Variants in GPBP1 observed in about 807,000 individuals in gnomAD.
The protein encoded by GPBP1 is GC-rich promoter binding protein 1.
In GPBP1, 13 loss-of-function variants were observed where a neutral mutation model predicts 56.5. The observed-to-expected ratio is 0.23, with a 90% CI of 0.15 to 0.37. The LOEUF is 0.37. GPBP1 is among the 10% of genes least tolerant of loss of function. GPBP1 has a pLI of 1.00. For synonymous variants in GPBP1, 204 were observed against 188.9 expected (o/e 1.08, Z -0.66); for missense variants, 477 against 572.3 (o/e 0.83, Z 1.70).
intron 3 of GPBP1, among the ~76,000 whole-genome samples, chr5:57,229,146 G>T (rs1756324893): frequency 6.8e-6 from 1 of 147,072 alleles, no homozygotes; most frequent in South Asian, 2.2e-4. Flanking sequence ...CAGGAGAATC[G>T]CTGGAACCCA....
chr5:57,231,425 C>T, intron 5 of GPBP1, 104 bp downstream of exon 5: 2 of 844,816 alleles, frequency 2.4e-6, no homozygotes, highest in Non-Finnish European at 3.7e-6. Flanking sequence ...AGGCATCCAC[C>T]ACCAGGCCCG....
rs187888508 is a variant in GPBP1 at position 57,196,657 on chromosome 5, A to G, written c.-57-17417A>G. ...CAGGCTGGAGTGATAAAGTGGAACAATCAGGGCTCACTGCAACCTCGACTT... is the reference window on the plus strand; with the variant it reads ...CAGGCTGGAGTGATAAAGTGGAACAGTCAGGGCTCACTGCAACCTCGACTT... On this transcript the variant is annotated intron_variant, in intron 2 of 11. Transcript: ENST00000506184. Among the ~76,000 whole-genome samples the G allele has an allele frequency of 1.4e-3, 212 of 151,922 alleles. 3 individuals carry two copies. Among genetic ancestry groups the G allele is most frequent in the Non-Finnish European group, 7.2e-4 (49 of 67,946 alleles).
intron 2 of GPBP1, among the ~76,000 whole-genome samples, chr5:57,201,756 G>A (rs918809586): frequency 6.6e-6 from 1 of 152,100 alleles, no homozygotes; most frequent in African/African-American, 2.4e-5. Context: ...CTTGAAGACG[G>A]GTTATTTGGT....
At chr5:57,199,166 T>A (rs1165010890) in intron 2 of GPBP1, among the ~76,000 whole-genome samples, 1 of 152,236 alleles carries the variant, frequency 6.6e-6, no homozygotes, top group Non-Finnish European at 1.5e-5. Flanking sequence ...TATGTTCTTT[T>A]AACATACAAA....
At position 57,191,736 on chromosome 5, in the gene GPBP1, A is replaced by G. The variant is rs185703914; in HGVS notation, c.-58+15336A>G. Among the ~76,000 whole-genome samples, 640 of 151,766 alleles carry G rather than the reference A, an allele frequency of 4.2e-3. 4 individuals are homozygous for G. Among genetic ancestry groups the G allele is most frequent in the African/African-American group, 0.015 (610 of 41,334 alleles). On this transcript the variant is annotated intron_variant, in intron 2 of 11. Coordinates refer to ENST00000506184, the MANE Select transcript of GPBP1 (RefSeq NM_022913.4). Reference sequence around the variant, plus strand: ...ATCACCACACCCAGCTAATTTTTGTATTTTTAGTAGAGACGAGGTTTCACT... The same window carrying G: ...ATCACCACACCCAGCTAATTTTTGTGTTTTTAGTAGAGACGAGGTTTCACT...
At chr5:57,188,060 T>G (rs1466669996) in intron 2 of GPBP1, among the ~76,000 whole-genome samples, 1 of 151,800 alleles carries the variant, frequency 6.6e-6, no homozygotes, top group Non-Finnish European at 1.5e-5. Context: ...CTGGTCAACA[T>G]AGTGAAACCC....
At chr5:57,226,701 G>A (rs946196535) in intron 3 of GPBP1, among the ~76,000 whole-genome samples, 2 of 146,212 alleles carry the variant, frequency 1.4e-5, no homozygotes, top group Admixed American at 6.8e-5. Flanking sequence ...ACAGGTGTGC[G>A]CCACCAAGCC....
At position 57,230,851 on chromosome 5, in the gene GPBP1, A is replaced by G. The variant is rs1314522488; in HGVS notation, c.69A>G (p.Ser23=). The G allele has an allele frequency of 1.9e-6, 3 of 1,604,146 alleles. No individual in the cohort carries two copies. In the African/African-American group the frequency reaches 4.0e-5, roughly 22 times the overall value. The change falls in exon 4 of 12, where the codon TCA becomes TCG. Residue 23 remains serine (S), a synonymous_variant. Transcript: ENST00000506184. ...ATTTTTATAATTTGTTTCAGTCGTC[A>G]TTGAATTTTGAGAAGCATTCTGAAA... ...FPTPPSSTKS[S]LNFEKHSENF...
chr5:57,175,003 T>C (rs1189818865), intron 1 of GPBP1, among the ~76,000 whole-genome samples: 1 of 152,192 alleles, frequency 6.6e-6, no homozygotes, highest in African/African-American at 2.4e-5. Flanking sequence ...GGAGCCTCTT[T>C]CTCTTTACAC....
chr5:57,208,214 G>T (rs1303832911), intron 2 of GPBP1, among the ~76,000 whole-genome samples: 2 of 152,120 alleles, frequency 1.3e-5, no homozygotes, highest in Non-Finnish European at 2.9e-5. Flanking sequence ...CAGGGACCAT[G>T]CCCTTTTCTT....
chr5:57,237,742 T>C (rs560970941), intron 6 of GPBP1, among the ~76,000 whole-genome samples: 1 of 152,298 alleles, frequency 6.6e-6, no homozygotes, highest in Admixed American at 6.5e-5. Flanking sequence ...AATAGCTATG[T>C]TCCTGAGGAA....
At chr5:57,224,402 C>G (rs956938604) in intron 3 of GPBP1, among the ~76,000 whole-genome samples, 69 of 151,324 alleles carry the variant, frequency 4.6e-4, no homozygotes, top group African/African-American at 1.6e-3. Context: ...GCCACCATGC[C>G]CGGCTAATTT....
intron 2 of GPBP1, among the ~76,000 whole-genome samples, chr5:57,207,365 C>T (rs1347041880): frequency 6.6e-6 from 1 of 151,952 alleles, no homozygotes; most frequent in African/African-American, 2.4e-5. Flanking sequence ...GTGAAAGGTT[C>T]TCTTATCCCC....
intron 2 of GPBP1, among the ~76,000 whole-genome samples, chr5:57,200,794 G>T (rs534719164): frequency 1.2e-4 from 19 of 152,288 alleles, no homozygotes; most frequent in African/African-American, 3.4e-4. Context: ...CCATTCTCCT[G>T]CCTCAGGCTA....
intron 5 of GPBP1, among the ~76,000 whole-genome samples, chr5:57,233,182 A>G (rs1756529932): frequency 6.6e-6 from 1 of 152,194 alleles, no homozygotes; most frequent in Non-Finnish European, 1.5e-5. Flanking sequence ...AATGAAAATA[A>G]ATAGTTTTTG....
chr5:57,239,314 G>A (rs778379309), intron 6 of GPBP1, among the ~76,000 whole-genome samples: 4 of 152,158 alleles, frequency 2.6e-5, no homozygotes, highest in Non-Finnish European at 4.4e-5. Context: ...GTTGATATTT[G>A]TGAAATGCAT....
At chr5:57,254,271 C>T (rs1018437817) in intron 10 of GPBP1, among the ~76,000 whole-genome samples, 3 of 152,308 alleles carry the variant, frequency 2.0e-5, no homozygotes, top group Admixed American at 2.0e-4. Context: ...CAGAATAAAT[C>T]TTTATCTTTC....
chr5:57,199,913 CAG>C (rs1754922375), intron 2 of GPBP1, among the ~76,000 whole-genome samples: 1 of 150,182 alleles, frequency 6.7e-6, no homozygotes. Flanking sequence ...GTATTTTTAA[CAG>C]TGGTTTTTTT....
chr5:57,236,250 C>T (rs1440379287), intron 6 of GPBP1, among the ~76,000 whole-genome samples: 2 of 152,100 alleles, frequency 1.3e-5, no homozygotes, highest in African/African-American at 4.8e-5. Flanking sequence ...ATGTTAGTAT[C>T]ATTAAACATA....
Sources: allele counts gnomAD v4.1 joint callset (sites outside exome capture counted in the v4.1 genomes callset), GRCh38; gene constraint gnomAD v4.1.1; transcripts MANE v1.5; gene names NCBI Gene and HGNC (gene_info 2026-07-23, HGNC 2026-07-21).